Variants in DLG2 observed in about 807,000 individuals in gnomAD.
DLG2 encodes the protein discs large MAGUK scaffold protein 2, also known as disks large homolog 2.
Under a neutral mutation model 132.5 loss-of-function variants are expected in DLG2, and 45 were observed. The observed-to-expected ratio is 0.34, with a 90% CI of 0.27 to 0.44. The LOEUF is 0.44. Among genes scored for constraint, DLG2 ranks in the 20% least tolerant of loss-of-function variants. DLG2 has a pLI of 1.00. For synonymous variants in DLG2, 424 were observed against 419.6 expected (o/e 1.01, Z -0.13); for missense variants, 1,045 against 1,196.9 (o/e 0.87, Z 1.87).
intron 6 of DLG2, among the ~76,000 whole-genome samples, chr11:84,834,371 G>A (rs1418879630): frequency 6.6e-6 from 1 of 151,440 alleles, no homozygotes; most frequent in Non-Finnish European, 1.5e-5. Flanking sequence ...GGTTCTACTT[G>A]TTCACAGACA....
At chr11:84,676,432 G>A (rs2099711269) in intron 6 of DLG2, among the ~76,000 whole-genome samples, 1 of 152,022 alleles carries the variant, frequency 6.6e-6, no homozygotes, top group Non-Finnish European at 1.5e-5. Flanking sequence ...AACCCAGAAA[G>A]GTTAGATGTC....
chr11:85,543,620 C>G (rs958862771), intron 3 of DLG2, among the ~76,000 whole-genome samples: 1 of 152,152 alleles, frequency 6.6e-6, no homozygotes, highest in Non-Finnish European at 1.5e-5. Flanking sequence ...AAAAGCATTC[C>G]TATTTCTCCA....
intron 6 of DLG2, among the ~76,000 whole-genome samples, chr11:84,556,728 T>C (rs1293415260): frequency 2.0e-5 from 3 of 152,210 alleles, no homozygotes; most frequent in Non-Finnish European, 4.4e-5. Flanking sequence ...TTATTTTGTA[T>C]TGTGATTAAA....
intron 3 of DLG2, among the ~76,000 whole-genome samples, chr11:85,420,520 G>A (rs1306975882): frequency 2.0e-5 from 3 of 152,212 alleles, no homozygotes; most frequent in Non-Finnish European, 4.4e-5. Flanking sequence ...GTCTGCTGAA[G>A]TTGAGCCCAC....
At chr11:84,636,877 G>A (rs959965427) in intron 6 of DLG2, among the ~76,000 whole-genome samples, 3 of 151,390 alleles carry the variant, frequency 2.0e-5, no homozygotes, top group Admixed American at 6.6e-5. Flanking sequence ...CCACTCCAAG[G>A]TTCAAGCAAT....
chr11:84,485,935 C>G (rs556837469), intron 7 of DLG2, among the ~76,000 whole-genome samples: 1 of 152,096 alleles, frequency 6.6e-6, no homozygotes, highest in Non-Finnish European at 1.5e-5. Flanking sequence ...GACTAACACA[C>G]CACATTTTGT....
rs2082049571 is a variant in DLG2, at chr11:85,626,747, G to A, written c.-253C>T. The A allele has an allele frequency of 6.6e-6, 1 of 152,164 alleles. No individual in the cohort carries two copies. Among genetic ancestry groups the A allele is most frequent in the Non-Finnish European group, 1.5e-5 (1 of 68,034 alleles). 9.4% of individuals were successfully genotyped at this position (152,164 alleles called of 1,614,324 possible). A position where few individuals can be genotyped will look rare whatever the true frequency, so the allele number is the denominator to read the frequency against. ...AGTGTTCAGTTTTGAAATCCAGGCT[G>A]AGTCTTCTATGTCAGACAAAGAAAA... On this transcript the variant is annotated 5_prime_UTR_variant, in exon 2 of 28. Coordinates refer to ENST00000376104, the MANE Select transcript of DLG2 (RefSeq NM_001142699.3).
intron 18 of DLG2, among the ~76,000 whole-genome samples, chr11:83,658,454 T>G (rs958083700): frequency 6.6e-6 from 1 of 152,274 alleles, no homozygotes; most frequent in Non-Finnish European, 1.5e-5. Context: ...TGTTCTCTGC[T>G]TCACAGAATG....
intron 6 of DLG2, among the ~76,000 whole-genome samples, chr11:84,650,990 A>G (rs2154546557): frequency 1.3e-5 from 2 of 151,246 alleles, no homozygotes; most frequent in East Asian, 3.9e-4. Context: ...TGCTTTTTAA[A>G]AAGTGATGGA....
chr11:83,703,617 C>T (rs2083362057), intron 18 of DLG2, among the ~76,000 whole-genome samples: 1 of 152,162 alleles, frequency 6.6e-6, no homozygotes, highest in Non-Finnish European at 1.5e-5. Flanking sequence ...CCACTGCACT[C>T]CAGCCTGGGC....
intron 6 of DLG2, among the ~76,000 whole-genome samples, chr11:84,689,013 C>G (rs1034756373): frequency 1.3e-5 from 2 of 152,188 alleles, no homozygotes; most frequent in Non-Finnish European, 2.9e-5. Flanking sequence ...TGCTGTTAAG[C>G]AGACTGGAGA....
At chr11:84,859,427 CAT>C (rs1387004062) in intron 6 of DLG2, among the ~76,000 whole-genome samples, 6 of 140,852 alleles carry the variant, frequency 4.3e-5, no homozygotes, top group South Asian at 2.2e-4. Context: ...TATACATATA[CAT>C]ATATATGTAT....
intron 11 of DLG2, among the ~76,000 whole-genome samples, chr11:83,998,989 G>A (rs927629852): frequency 2.0e-5 from 3 of 152,178 alleles, no homozygotes; most frequent in Non-Finnish European, 4.4e-5. Flanking sequence ...AACAAGAATT[G>A]AGGCATGAGT....
intron 6 of DLG2, among the ~76,000 whole-genome samples, chr11:84,969,963 A>T (rs1008616703): frequency 6.6e-6 from 1 of 152,156 alleles, no homozygotes; most frequent in Admixed American, 6.5e-5. Flanking sequence ...TGGGAGTTGA[A>T]CGATGAGAAC....
At chr11:84,983,470 A>G (rs1328762289) in intron 6 of DLG2, among the ~76,000 whole-genome samples, 1 of 152,078 alleles carries the variant, frequency 6.6e-6, no homozygotes, top group Non-Finnish European at 1.5e-5. Flanking sequence ...GAAACACCTC[A>G]TGGGAGAAAA....
At chr11:84,164,499 C>G (rs1019937331) in intron 8 of DLG2, among the ~76,000 whole-genome samples, 1 of 152,158 alleles carries the variant, frequency 6.6e-6, no homozygotes, top group African/African-American at 2.4e-5. Context: ...AGAATTTATA[C>G]CCAGTACCAG....
chr11:85,157,779 C>T (rs1215599705), intron 4 of DLG2, among the ~76,000 whole-genome samples: 1 of 152,150 alleles, frequency 6.6e-6, no homozygotes, highest in African/African-American at 2.4e-5. Context: ...GAATGGGACC[C>T]TGCAACTTGG....
chr11:85,243,307 T>A (rs2075980762), intron 4 of DLG2, among the ~76,000 whole-genome samples: 1 of 152,018 alleles, frequency 6.6e-6, no homozygotes, highest in South Asian at 2.1e-4. Flanking sequence ...TGTCTTATGT[T>A]TTCCACTGTG....
intron 6 of DLG2, among the ~76,000 whole-genome samples, chr11:85,083,020 C>T (rs1375797435): frequency 6.6e-6 from 1 of 151,988 alleles, no homozygotes; most frequent in Non-Finnish European, 1.5e-5. Flanking sequence ...GAATGGGGCC[C>T]AGACTCAAGA....
Sources: gnomAD v4.1 joint callset for allele counts (sites outside exome capture counted in the v4.1 genomes callset) on GRCh38, gnomAD v4.1.1 for gene constraint, MANE v1.5 for transcripts, NCBI Gene and HGNC (gene_info 2026-07-23, HGNC 2026-07-21) for gene names.